The following CRPPA variants were observed in gnomAD, a reference collection of about 807,000 sequenced individuals.
CRPPA encodes the protein CDP-L-ribitol pyrophosphorylase A.
CRPPA carries 43 observed loss-of-function variants against 52.0 expected under a neutral mutation model. The ratio of observed to expected loss-of-function variants is 0.83; its 90% CI spans 0.65 to 1.07. CRPPA has a LOEUF of 1.07. Among genes scored for constraint, CRPPA ranks in the 50% least tolerant of loss-of-function variants. CRPPA has a pLI of 0.00. For missense variants in CRPPA, 629 were observed against 551.7 expected (o/e 1.14, Z -1.40); for synonymous variants, 250 against 203.5 (o/e 1.23, Z -1.94).
At chr7:16,253,213 A>G (rs1186210084) in intron 8 of CRPPA, among the ~76,000 whole-genome samples, 1 of 152,092 alleles carries the variant, frequency 6.6e-6, no homozygotes, top group Non-Finnish European at 1.5e-5. Flanking sequence ...TCAATTTTAG[A>G]TCTTTCCTGC....
At chr7:16,291,550 A>G (rs1784564902) in intron 5 of CRPPA, among the ~76,000 whole-genome samples, 2 of 151,992 alleles carry the variant, frequency 1.3e-5, no homozygotes, top group African/African-American at 4.8e-5. Context: ...TTTCTTAAAG[A>G]TAAAGAAGAG....
intron 8 of CRPPA, among the ~76,000 whole-genome samples, chr7:16,229,299 C>T (rs1782730874): frequency 6.6e-6 from 1 of 151,988 alleles, no homozygotes; most frequent in Non-Finnish European, 1.5e-5. Context: ...TAGGTACAGA[C>T]TTACAACTGC....
At chr7:16,234,702 GA>G (rs1193203484) in intron 8 of CRPPA, among the ~76,000 whole-genome samples, 3 of 152,048 alleles carry the variant, frequency 2.0e-5, no homozygotes, top group African/African-American at 7.2e-5. Flanking sequence ...GGTACGATAG[GA>G]GACAACATAA....
chr7:16,196,606 C>A (rs1422393683), intron 9 of CRPPA, among the ~76,000 whole-genome samples: 2 of 152,094 alleles, frequency 1.3e-5, no homozygotes, highest in Non-Finnish European at 2.9e-5. Context: ...CAAAGACAAA[C>A]AATGTCAGAG....
chr7:16,276,905 T>C (rs1337505082), intron 6 of CRPPA: 1 of 152,284 alleles, frequency 6.6e-6, no homozygotes, highest in African/African-American at 2.4e-5. Flanking sequence ...ACTGGTTAAT[T>C]TGTTAATTTT....
intron 2 of CRPPA, among the ~76,000 whole-genome samples, chr7:16,397,930 T>C (rs571009691): frequency 6.6e-6 from 1 of 152,214 alleles, no homozygotes; most frequent in East Asian, 1.9e-4. Flanking sequence ...AACTGGCAGG[T>C]GATTGACACG....
intron 9 of CRPPA, among the ~76,000 whole-genome samples, chr7:16,134,528 C>T (rs527353440): frequency 1.3e-5 from 2 of 152,228 alleles, no homozygotes; most frequent in South Asian, 2.1e-4. Context: ...GTAAGGCATC[C>T]GGTCAACAGT....
intron 9 of CRPPA, among the ~76,000 whole-genome samples, chr7:16,114,276 C>G (rs2128367883): frequency 6.9e-6 from 1 of 145,712 alleles, no homozygotes; most frequent in Middle Eastern, 3.4e-3. Flanking sequence ...TGAACGAGAT[C>G]AAAGTAGACA....
At chr7:16,228,716 T>C (rs1490352532) in intron 8 of CRPPA, among the ~76,000 whole-genome samples, 1 of 152,012 alleles carries the variant, frequency 6.6e-6, no homozygotes, top group Non-Finnish European at 1.5e-5. Context: ...CCTAACATGA[T>C]TTACCCTGGA....
intron 3 of CRPPA, among the ~76,000 whole-genome samples, chr7:16,337,243 G>A (rs1425963061): frequency 6.6e-6 from 1 of 152,118 alleles, no homozygotes; most frequent in East Asian, 1.9e-4. Context: ...AGTTTAAGAG[G>A]CTTGAAATCT....
At chr7:16,395,521 T>C (rs143237170) in intron 2 of CRPPA, among the ~76,000 whole-genome samples, 21 of 152,160 alleles carry the variant, frequency 1.4e-4, no homozygotes, top group African/African-American at 4.6e-4. Context: ...AGATTGAATA[T>C]TTCACATATT....
chr7:16,253,678 G>T (rs182882416), intron 8 of CRPPA, among the ~76,000 whole-genome samples: 8 of 151,880 alleles, frequency 5.3e-5, no homozygotes, highest in African/African-American at 1.9e-4. Context: ...ATAGGCATGG[G>T]CAAAGACTTC....
chr7:16,410,726 T>C (rs896495490), intron 1 of CRPPA, among the ~76,000 whole-genome samples: 6 of 152,048 alleles, frequency 3.9e-5, no homozygotes, highest in African/African-American at 1.4e-4. Context: ...ACCCAACTAC[T>C]CCCTGAAGGG....
At chr7:16,241,971 T>TTGGGGGG (rs1783123848) in intron 8 of CRPPA, among the ~76,000 whole-genome samples, 1 of 86,162 alleles carries the variant, frequency 1.2e-5, no homozygotes, top group Non-Finnish European at 2.5e-5. Context: ...TTTTTTTTGT[T>TTGGGGGG]GGGGGGAGAT....
At chr7:16,316,417 T>C (rs1785145838) in intron 3 of CRPPA, among the ~76,000 whole-genome samples, 1 of 152,208 alleles carries the variant, frequency 6.6e-6, no homozygotes, top group Admixed American at 6.5e-5. Context: ...GTTTAAATTA[T>C]ATGTCTTATG....
At chr7:16,418,677 A>C (rs1406619387) in intron 1 of CRPPA, among the ~76,000 whole-genome samples, 1 of 152,152 alleles carries the variant, frequency 6.6e-6, no homozygotes, top group African/African-American at 2.4e-5. Context: ...AGAGACCAGC[A>C]TGGGGGAAAC....
intron 2 of CRPPA, among the ~76,000 whole-genome samples, chr7:16,392,272 T>C (rs528954530): frequency 2.4e-4 from 37 of 152,270 alleles, no homozygotes; most frequent in African/African-American, 8.2e-4. Flanking sequence ...GTAAGAGTTA[T>C]GTGGTGGCAG....
At chr7:16,209,402 G>C (rs953853054) in intron 9 of CRPPA, 5 of 161,170 alleles carry the variant, frequency 3.1e-5, no homozygotes, top group African/African-American at 1.2e-4. Context: ...CTCCCCAGTA[G>C]CTGGGATTAC....
At chr7:16,273,181 C>T (rs1001695881) in intron 6 of CRPPA, among the ~76,000 whole-genome samples, 24 of 142,858 alleles carry the variant, frequency 1.7e-4, no homozygotes, top group Admixed American at 5.2e-4. Flanking sequence ...ACAGGAGACA[C>T]GGAAATCCCG....
Sources: gnomAD v4.1 joint callset for allele counts (sites outside exome capture counted in the v4.1 genomes callset) on GRCh38, gnomAD v4.1.1 for gene constraint, MANE v1.5 for transcripts, NCBI Gene and HGNC (gene_info 2026-07-23, HGNC 2026-07-21) for gene names.